USP10: variants seen among roughly 807,000 people sequenced by gnomAD.
USP10 encodes ubiquitin specific peptidase 10.
In USP10, 22 loss-of-function variants were observed where a neutral mutation model predicts 84.5. The ratio of observed to expected loss-of-function variants is 0.26; its 90% confidence interval spans 0.19 to 0.37. USP10 has a LOEUF of 0.37. USP10 is among the 10% of genes least tolerant of loss of function. The pLI, the probability that USP10 is intolerant of heterozygous loss-of-function variation, is 1.00. For missense variants in USP10, 1,019 were observed against 998.9 expected (o/e 1.02, Z -0.27); for synonymous variants, 454 against 387.6 (o/e 1.17, Z -2.01).
chr16:84,755,752 G>C (rs1278059975), intron 4 of USP10, among the ~76,000 whole-genome samples: 1 of 150,650 alleles, frequency 6.6e-6, no homozygotes, highest in African/African-American at 2.4e-5. Context: ...GAGCTAGGAT[G>C]GTGCCACTGC....
chr16:84,713,358 C>T (rs1040101520), intron 1 of USP10, among the ~76,000 whole-genome samples: 12 of 152,106 alleles, frequency 7.9e-5, no homozygotes, highest in African/African-American at 2.9e-4. Flanking sequence ...GGGCCATCTT[C>T]TTACACCCAC....
chr16:84,739,418 C>A (rs1910356812), intron 2 of USP10, among the ~76,000 whole-genome samples: 1 of 152,058 alleles, frequency 6.6e-6, no homozygotes, highest in South Asian at 2.1e-4. Flanking sequence ...ATTACAGGTG[C>A]CTGCCACCAC....
intron 1 of USP10, among the ~76,000 whole-genome samples, chr16:84,706,925 G>A (rs1046083755): frequency 5.3e-5 from 8 of 151,924 alleles, no homozygotes; most frequent in African/African-American, 1.9e-4. Flanking sequence ...TATTTATTAC[G>A]AGATACTAAG....
At chr16:84,721,083 G>A (rs1226305235) in intron 1 of USP10, among the ~76,000 whole-genome samples, 3 of 151,996 alleles carry the variant, frequency 2.0e-5, no homozygotes, top group East Asian at 1.9e-4. Context: ...TAGTAAAGAC[G>A]GGGTTTCACC....
At chr16:84,768,707 A>G (rs1331548006) in intron 11 of USP10, among the ~76,000 whole-genome samples, 3 of 152,182 alleles carry the variant, frequency 2.0e-5, no homozygotes, top group Admixed American at 1.3e-4. Context: ...GTAGGGTACA[A>G]CTGTCATTAG....
chr16:84,700,029 G>GGCGGCGGGGGAA lies in USP10; in HGVS notation c.-59_-48dup. ...GTGTATGTGCGGGCGAGAAGATGGC[G>GGCGGCGGGGGAA]GCGGCGGGGGAAGCAGCGTGAGCAG... On this transcript the variant is annotated 5_prime_UTR_variant, in exon 1 of 14. Transcript: ENST00000219473. The GGCGGCGGGGGAA allele has an allele frequency of 2.2e-6, 3 of 1,333,716 alleles. No homozygotes were observed. Among genetic ancestry groups the GGCGGCGGGGGAA allele is most frequent in the Non-Finnish European group, 2.9e-6 (3 of 1,017,948 alleles). 82.6% of individuals were successfully genotyped at this position (1,333,716 alleles called of 1,614,324 possible).
intron 1 of USP10, 91 bp downstream of exon 1, chr16:84,700,202 G>A: frequency 9.5e-7 from 1 of 1,055,156 alleles, no homozygotes; most frequent in Non-Finnish European, 1.2e-6. Flanking sequence ...CCTGCCCGGA[G>A]CGAGCGTGTG....
chr16:84,761,364 C>T (rs1027547155), intron 8 of USP10, among the ~76,000 whole-genome samples: 2 of 152,204 alleles, frequency 1.3e-5, no homozygotes, highest in Non-Finnish European at 2.9e-5. Flanking sequence ...GTTGGGCTCC[C>T]CAAGACCACC....
chr16:84,758,678 G>A (rs201418927), intron 4 of USP10, 38 bp from the exon 5 acceptor site: 4 of 1,388,662 alleles, frequency 2.9e-6, no homozygotes, highest in Non-Finnish European at 4.1e-6. Flanking sequence ...TTCACTAGAT[G>A]TCATCAATTT....
At chr16:84,742,689 CTG>C (rs1597347530) in intron 3 of USP10, among the ~76,000 whole-genome samples, 1 of 152,164 alleles carries the variant, frequency 6.6e-6, no homozygotes, top group Admixed American at 6.5e-5. Flanking sequence ...ACATTGGGCT[CTG>C]AGCTCTCTGC....
intron 1 of USP10, among the ~76,000 whole-genome samples, chr16:84,709,569 C>T (rs975434701): frequency 2.8e-4 from 43 of 152,024 alleles, no homozygotes; most frequent in African/African-American, 8.2e-4. Context: ...CTCACGGGGT[C>T]GCAGTGGCCA....
At chr16:84,732,548 G>A (rs1437141610) in intron 1 of USP10, 5 of 364,602 alleles carry the variant, frequency 1.4e-5, no homozygotes, top group Non-Finnish European at 2.7e-5. Context: ...CCTGGTTCAA[G>A]CAATTCTCCT....
Position 84,701,922 on chromosome 16 carries a change from C to T in USP10, c.21+1811C>T, listed in dbSNP as rs1247000227. On this transcript the variant is annotated intron_variant, in intron 1 of 13. Coordinates refer to ENST00000219473, the MANE Select transcript of USP10 (RefSeq NM_005153.3). ...TAGCAAAGGAAATAGTTTGATTTCTCATAATTTTCTTCTTCTTTTTTTTTT... is the reference window on the plus strand; with the variant it reads ...TAGCAAAGGAAATAGTTTGATTTCTTATAATTTTCTTCTTCTTTTTTTTTT... Among the ~76,000 whole-genome samples the T allele has an allele frequency of 1.5e-5, 2 of 130,602 alleles. 1 individual carries two copies. The highest frequency in any genetic ancestry group is 5.2e-4 in the South Asian group (2 of 3,836). 85.7% of individuals were successfully genotyped at this position (130,602 alleles called of 152,430 possible).
intron 1 of USP10, among the ~76,000 whole-genome samples, chr16:84,703,808 G>A (rs1044204626): frequency 2.0e-5 from 3 of 152,206 alleles, no homozygotes; most frequent in African/African-American, 7.2e-5. Flanking sequence ...CTGAGCAGCC[G>A]CGCCGTACCA....
In USP10 at chr16:84,768,352, A is replaced by G; in HGVS notation, c.1992A>G (p.Lys664=). The change falls in exon 11 of 14, where the codon AAA becomes AAG. Residue 664 remains lysine (K), a synonymous_variant. Coordinates refer to ENST00000219473, the MANE Select transcript of USP10 (RefSeq NM_005153.3). The part of the protein sequence containing the change: ...ESVQGYTTKT[K]QEVEISRRVT... ...TCCAAGGTTATACCACAAAAACCAAACAAGAGGTATGTTCACACTTGATTT... is the reference window on the plus strand; with the variant it reads ...TCCAAGGTTATACCACAAAAACCAAGCAAGAGGTATGTTCACACTTGATTT... 6.2e-7 allele frequency: 1 copy of G among 1,600,314 alleles called. No individual in the cohort carries two copies. The highest frequency in any genetic ancestry group is 8.5e-7 in the Non-Finnish European group (1 of 1,172,254).
At chr16:84,722,519 T>C (rs1907946119) in intron 1 of USP10, among the ~76,000 whole-genome samples, 1 of 152,170 alleles carries the variant, frequency 6.6e-6, no homozygotes, top group Non-Finnish European at 1.5e-5. Context: ...GCACCAGCAG[T>C]GTATGAGAAT....
chr16:84,744,205 T>G (rs1910951100), intron 3 of USP10, among the ~76,000 whole-genome samples: 1 of 152,206 alleles, frequency 6.6e-6, no homozygotes, highest in Non-Finnish European at 1.5e-5. Flanking sequence ...AGAAGCTGAT[T>G]TAACCATGTT....
At chr16:84,748,692 C>G (rs57563757) in intron 4 of USP10, among the ~76,000 whole-genome samples, 4,902 of 152,232 alleles carry the variant, frequency 0.032, 239 homozygotes, top group African/African-American at 0.11. Flanking sequence ...TTTAAAATAA[C>G]CAAGAAAAGC....
intron 10 of USP10, among the ~76,000 whole-genome samples, chr16:84,765,779 C>T (rs975453617): frequency 6.6e-6 from 1 of 152,186 alleles, no homozygotes; most frequent in African/African-American, 2.4e-5. Flanking sequence ...CACAGACAGA[C>T]CCGTGACTGG....
Sources: gnomAD v4.1 joint callset for allele counts (sites outside exome capture counted in the v4.1 genomes callset) on GRCh38, gnomAD v4.1.1 for gene constraint, MANE v1.5 for transcripts, NCBI Gene and HGNC (gene_info 2026-07-23, HGNC 2026-07-21) for gene names.